EGR2: variants seen among roughly 807,000 people sequenced by gnomAD.
EGR2 encodes the protein E3 SUMO-protein ligase EGR2.
In EGR2, 2 loss-of-function variants were observed where a neutral mutation model predicts 21.2. The observed-to-expected ratio is 0.09, with a 90% confidence interval of 0.04 to 0.30. The LOEUF is 0.30. Ranked by LOEUF, EGR2 falls within the 10% of genes least tolerant of loss-of-function variation. The probability of loss-of-function intolerance (pLI) is 1.00; values close to 1 mark genes in which losing one functional copy is unlikely to be tolerated. For synonymous variants in EGR2, 282 were observed against 258.2 expected, an observed-to-expected ratio of 1.09 and a Z score of -0.88; for missense variants, 458 against 630.2, an observed-to-expected ratio of 0.73 and a Z score of 2.93.
At position 62,815,874 on chromosome 10, in the gene EGR2, G is replaced by A; in HGVS notation, c.156C>T (p.Asn52=). ...CACGCGGCTTACCTCCGGCCACTCCGTTCATCTGGTCAAAGGGGCCTCCCA... is the reference window on the plus strand; with the variant it reads ...CACGCGGCTTACCTCCGGCCACTCCATTCATCTGGTCAAAGGGGCCTCCCA... ...AELGGPFDQM[N]GVAGDGMINI... is the part of the protein sequence containing the mutation. The change falls in exon 1 of 2, where the codon AAC becomes AAT. Residue 52 remains asparagine (N), a synonymous_variant. Transcript: ENST00000242480. The A allele has an allele frequency of 6.2e-7, 1 of 1,614,066 alleles. No homozygotes were observed. Among genetic ancestry groups the A allele is most frequent in the African/African-American group, 1.3e-5 (1 of 75,060 alleles).
rs774391305 is a variant in EGR2, at chr10:62,813,902, G to A, written c.736C>T (p.Arg246Cys). 1.6e-5 allele frequency: 26 copies of A among 1,614,076 alleles called. 1 individual carries two copies. The South Asian group carries it at 2.3e-4, about 14-fold the overall frequency. Residue 246 changes from arginine (R) to cysteine (C), a missense_variant, in exon 2 of 2, where the codon CGT (arginine) becomes TGT (cysteine). By Grantham distance (180) the Arg-to-Cys change is radical. This residue lies in a region of EGR2 where 253 missense variants were observed against 315.5 expected (regional missense o/e 0.80). Coordinates refer to ENST00000242480, the MANE Select transcript of EGR2 (RefSeq NM_000399.5). This position sits in a 1 kb window ranked among gnomAD's most constrained non-coding sequence, Gnocchi z 5.7. ...TCCAGTGGGCAGGGAAAGGGCTTACGGTCTGGGCCAGCTGTACCATGTAGG... is the reference window on the plus strand; with the variant it reads ...TCCAGTGGGCAGGGAAAGGGCTTACAGTCTGGGCCAGCTGTACCATGTAGG... ...RDLHGTAGPDRKPFPCPLDTL... is the reference protein window; with the variant it reads ...RDLHGTAGPDCKPFPCPLDTL...
chr10:62,818,472 G>A (rs1838306764), upstream of EGR2: 2 of 944,330 alleles, frequency 2.1e-6, no homozygotes, highest in Non-Finnish European at 2.7e-6. Flanking sequence ...CAGCAAAAAT[G>A]TGCAAAGTCC....
rs761717611 is a variant in EGR2 at position 62,812,463 on chromosome 10, T to C, written c.*744A>G. ...AATGCTTTACATTTTTTCCCAAAGA[T>C]TCAGAATTTAGAGAACAGTGTACAT... On this transcript the variant is annotated 3_prime_UTR_variant, in exon 2 of 2. Coordinates refer to ENST00000242480, the MANE Select transcript of EGR2 (RefSeq NM_000399.5). The C allele has an allele frequency of 6.5e-6, 1 of 152,796 alleles. No homozygotes were observed. The highest frequency in any genetic ancestry group is 6.5e-5 in the Admixed American group (1 of 15,288). The allele number at this position is 152,796 out of a possible 1,614,324, so 9.5% of individuals were successfully genotyped here. A position where few individuals can be genotyped will look rare whatever the true frequency, so the allele number is the denominator to read the frequency against.
rs1403651782 is a variant in EGR2 at position 62,812,308 on chromosome 10, T to C, written c.*899A>G. 6.5e-6 allele frequency: 1 copy of C among 152,784 alleles called. No individual in the cohort carries two copies. The highest frequency in any genetic ancestry group is 1.5e-5 in the Non-Finnish European group (1 of 68,048). 9.5% of individuals were successfully genotyped at this position (152,784 alleles called of 1,614,324 possible). A position where few individuals can be genotyped will look rare whatever the true frequency, so the allele number is the denominator to read the frequency against. On this transcript the variant is annotated 3_prime_UTR_variant, in exon 2 of 2. Coordinates refer to ENST00000242480, the MANE Select transcript of EGR2 (RefSeq NM_000399.5). ...TTTCTCCATAATAAGGCAACCCATT[T>C]ACATGCAGACCTTGTAACATTGTCT... is the stretch of plus-strand genomic sequence containing the variant.
chr10:62,815,098 C>G (rs1842226659), intron 1 of EGR2, among the ~76,000 whole-genome samples: 1 of 152,262 alleles, frequency 6.6e-6, no homozygotes, highest in Non-Finnish European at 1.5e-5. Context: ...CCGCCTTTCC[C>G]GACAGCCGCG....
At position 62,813,353 on chromosome 10, in the gene EGR2, T is replaced by C; in HGVS notation, c.1285A>G (p.Ser429Gly). 2 of 1,601,786 alleles carry C rather than the reference T, an allele frequency of 1.2e-6. No homozygotes were observed. The highest frequency in any genetic ancestry group is 1.7e-6 in the Non-Finnish European group (2 of 1,171,828). The change falls in exon 2 of 2, where the codon AGT becomes GGT. Residue 429 changes from serine (S) to glycine (G), a missense_variant. Coordinates refer to ENST00000242480, the MANE Select transcript of EGR2 (RefSeq NM_000399.5). The surrounding 1 kb of genome is among the most constrained non-coding windows in gnomAD (Gnocchi z 5.7). ...IHLRQKERKSSAPSASVPAPS... is the reference protein window; with the variant it reads ...IHLRQKERKSGAPSASVPAPS... ...GCTGGCACCGATGCAGAGGGGGCAC[T>C]GCTTTTCCGCTCTTTCTGTCTCAGG...
upstream of EGR2, among the ~76,000 whole-genome samples, chr10:62,817,101 TAGGAGGA>T (rs2132715505): frequency 6.6e-6 from 1 of 152,290 alleles, no homozygotes; most frequent in African/African-American, 2.4e-5. This position sits in a 1 kb window ranked among gnomAD's most constrained non-coding sequence, Gnocchi z 4.4. Context: ...GGGTAAACCC[TAGGAGGA>T]GCAGAATTAC....
chr10:62,816,317 G>GT lies in EGR2; in HGVS notation c.-289dup. ...TTGCTGGTGTAGTGTTATTATAACA[G>GT]TCAGTGAGTCCCCTCGCCGAGCTAT... On this transcript the variant is annotated 5_prime_UTR_variant, in exon 1 of 2. Coordinates refer to ENST00000242480, the MANE Select transcript of EGR2 (RefSeq NM_000399.5). 7.7e-7 allele frequency: 1 copy of GT among 1,294,554 alleles called. No homozygotes were observed. Among genetic ancestry groups the GT allele is most frequent in the Non-Finnish European group, 9.9e-7 (1 of 1,011,858 alleles). 80.2% of individuals were successfully genotyped at this position (1,294,554 alleles called of 1,614,324 possible).
chr10:62,816,297 G>C lies in EGR2; in HGVS notation c.-268C>G. 2 of 1,335,556 alleles carry C rather than the reference G, an allele frequency of 1.5e-6. No homozygotes were observed. The highest frequency in any genetic ancestry group is 1.9e-6 in the Non-Finnish European group (2 of 1,038,122). 82.7% of individuals were successfully genotyped at this position (1,335,556 alleles called of 1,614,324 possible). Reference sequence around the variant, plus strand: ...GGCTGCTGGGAAGCCAGGAGTTGCTGGTGTAGTGTTATTATAACAGTCAGT... The same window carrying C: ...GGCTGCTGGGAAGCCAGGAGTTGCTCGTGTAGTGTTATTATAACAGTCAGT... On this transcript the variant is annotated 5_prime_UTR_variant, in exon 1 of 2. Coordinates refer to ENST00000242480, the MANE Select transcript of EGR2 (RefSeq NM_000399.5).
Position 62,814,563 on chromosome 10 carries a change from G to A in EGR2, c.170-95C>T, listed in dbSNP as rs1183807098. On this transcript the variant is annotated intron_variant, in intron 1 of 1. Transcript: ENST00000242480. This position sits in a 1 kb window ranked among gnomAD's most constrained non-coding sequence, Gnocchi z 4.8. ...CTCACATAGGTCCATTTCCAAGGCC[G>A]AGAGTCTCAGCACTGTAGAGCTGTG... is the stretch of plus-strand genomic sequence containing the variant. 25 of 1,222,354 alleles carry A rather than the reference G, an allele frequency of 2.0e-5. No individual in the cohort carries two copies. Among genetic ancestry groups the A allele is most frequent in the Non-Finnish European group, 2.9e-5 (24 of 835,858 alleles). The allele number at this position is 1,222,354 out of a possible 1,614,324, so 75.7% of individuals were successfully genotyped here.
In EGR2 at chr10:62,813,106, G is replaced by A. The variant is rs1842150409; in HGVS notation, c.*101C>T. ...ACCAAAGCCCTTTGCCCAACAAAGG[G>A]AGAGAGGGACAGGAAAGGGTGGTAG... On this transcript the variant is annotated 3_prime_UTR_variant, in exon 2 of 2. Transcript: ENST00000242480. The surrounding 1 kb of genome is among the most constrained non-coding windows in gnomAD (Gnocchi z 5.7). 1 of 1,329,518 alleles carries A rather than the reference G, an allele frequency of 7.5e-7. No individual in the cohort carries two copies. The highest frequency in any genetic ancestry group is 1.0e-6 in the Non-Finnish European group (1 of 981,404). 82.4% of individuals were successfully genotyped at this position (1,329,518 alleles called of 1,614,324 possible). A position where few individuals can be genotyped will look rare whatever the true frequency, so the allele number is the denominator to read the frequency against.
At chr10:62,818,555 C>T (rs577665958), upstream of EGR2, 1 of 1,268,746 alleles carries the variant, frequency 7.9e-7, no homozygotes, top group East Asian at 6.0e-5. Context: ...TGCGCCAGCC[C>T]ACTCCGCCTG....
Position 62,813,813 on chromosome 10 carries a change from GC to G in EGR2, c.824del (p.Gly275AlafsTer6). The G allele has an allele frequency of 6.2e-7, 1 of 1,613,894 alleles. No homozygotes were observed. The highest frequency in any genetic ancestry group is 2.2e-5 in the East Asian group (1 of 44,876). On this transcript the variant is annotated frameshift_variant, in exon 2 of 2. Transcript: ENST00000242480. LOFTEE classifies it high-confidence loss of function. This position sits in a 1 kb window ranked among gnomAD's most constrained non-coding sequence, Gnocchi z 5.7. ...CTGGTCCGGTCACCCCAGCACTGGGGCCCCCCAGGGTAAAGTTACGGATTGT... is the reference window on the plus strand; with the variant it reads ...CTGGTCCGGTCACCCCAGCACTGGGGCCCCCAGGGTAAAGTTACGGATTGT... Reference protein sequence around the residue: ...LSTIRNFTLGGPSAGVTGPGA... With the variant: ...LSTIRNFTLGXPSAGVTGPGA...
In EGR2 at chr10:62,812,881, A is replaced by G; in HGVS notation, c.*326T>C. 2 of 246,304 alleles carry G rather than the reference A, an allele frequency of 8.1e-6. No homozygotes were observed. The highest frequency in any genetic ancestry group is 1.5e-4 in the South Asian group (1 of 6,832). The allele number at this position is 246,304 out of a possible 1,614,324, so 15.3% of individuals were successfully genotyped here. A position where few individuals can be genotyped will look rare whatever the true frequency, so the allele number is the denominator to read the frequency against. On this transcript the variant is annotated 3_prime_UTR_variant, in exon 2 of 2. Transcript: ENST00000242480. ...CCTGTGATGGGTCAAAATAAGGGGA[A>G]GTGGGGTAGCAAAACCTAGTCAAAC...
At chr10:62,818,111 C>A (rs778292177), upstream of EGR2, among the ~76,000 whole-genome samples, 20 of 152,326 alleles carry the variant, frequency 1.3e-4, no homozygotes, top group Admixed American at 3.3e-4. Flanking sequence ...CGGGCGGGAG[C>A]CACGGCGCCA....
chr10:62,813,962 A>T lies in EGR2; in HGVS notation c.676T>A (p.Tyr226Asn). 6.2e-7 allele frequency: 1 copy of T among 1,614,188 alleles called. No individual in the cohort carries two copies. Among genetic ancestry groups the T allele is most frequent in the Non-Finnish European group, 8.5e-7 (1 of 1,180,036 alleles). Residue 226 changes from tyrosine to asparagine, a missense_variant, in exon 2 of 2, where the codon TAT becomes AAT. Physicochemically the swap from Tyr to Asn is moderately radical, Grantham distance 143. Coordinates refer to ENST00000242480, the MANE Select transcript of EGR2 (RefSeq NM_000399.5). This position sits in a 1 kb window ranked among gnomAD's most constrained non-coding sequence, Gnocchi z 5.7. ...DPGLFPMIPD[Y>N]PGFFPSQCQR... ...CACTGAGATGGAAAGAATCCAGGAT[A>T]GTCTGGGATCATTGGGAAGAGACCT...
At position 62,813,624 on chromosome 10, in the gene EGR2, C is replaced by A; in HGVS notation, c.1014G>T (p.Arg338Ser). Residue 338 changes from arginine (R) to serine (S), a missense_variant, in exon 2 of 2, where the codon AGG (arginine) becomes AGT (serine). By Grantham distance (110) the Arg-to-Ser change is moderately radical. This residue lies in a region of EGR2 where 253 missense variants were observed against 315.5 expected (regional missense o/e 0.80). Coordinates refer to ENST00000242480, the MANE Select transcript of EGR2 (RefSeq NM_000399.5). This position sits in a 1 kb window ranked among gnomAD's most constrained non-coding sequence, Gnocchi z 5.7. Reference protein sequence around the residue: ...NRPSKTPVHERPYPCPAEGCD... With the variant: ...NRPSKTPVHESPYPCPAEGCD... Reference sequence around the variant, plus strand: ...AGCCTTCTGCTGGGCACGGGTAGGGCCTCTCGTGCACCGGCGTCTTGCTGG... The same window carrying A: ...AGCCTTCTGCTGGGCACGGGTAGGGACTCTCGTGCACCGGCGTCTTGCTGG... 1 of 1,613,048 alleles carries A rather than the reference C, an allele frequency of 6.2e-7. No individual in the cohort carries two copies.
chr10:62,815,308 C>T (rs1456822464), intron 1 of EGR2, among the ~76,000 whole-genome samples: 4 of 152,370 alleles, frequency 2.6e-5, no homozygotes, highest in African/African-American at 7.2e-5. Context: ...GCCGGAGCCC[C>T]CGCCTTACTA....
In EGR2 at chr10:62,813,922, T is replaced by C. The variant is rs760456822; in HGVS notation, c.716A>G (p.His239Arg). Residue 239 changes from histidine (H) to arginine (R), a missense_variant, in exon 2 of 2, where the codon CAT (histidine) becomes CGT (arginine). His to Arg is a conservative substitution (Grantham distance 29). Transcript: ENST00000242480. The surrounding 1 kb of genome is among the most constrained non-coding windows in gnomAD (Gnocchi z 5.7). ...FFPSQCQRDLHGTAGPDRKPF... is the reference protein window; with the variant it reads ...FFPSQCQRDLRGTAGPDRKPF... Reference sequence around the variant, plus strand: ...CTTACGGTCTGGGCCAGCTGTACCATGTAGGTCTCTCTGGCACTGAGATGG... The same window carrying C: ...CTTACGGTCTGGGCCAGCTGTACCACGTAGGTCTCTCTGGCACTGAGATGG... 3 of 1,613,952 alleles carry C rather than the reference T, an allele frequency of 1.9e-6. No individual in the cohort carries two copies. The highest frequency in any genetic ancestry group is 1.7e-6 in the Non-Finnish European group (2 of 1,179,998).
Sources: allele counts gnomAD v4.1 joint callset (sites outside exome capture counted in the v4.1 genomes callset), GRCh38; gene constraint gnomAD v4.1.1; regional missense constraint gnomAD v4.1.1; non-coding constraint Gnocchi (gnomAD v3.1); transcripts MANE v1.5; gene names NCBI Gene and HGNC (gene_info 2026-07-23, HGNC 2026-07-21).